SMG1: variants seen among roughly 807,000 people sequenced by gnomAD.
SMG1 encodes serine/threonine-protein kinase SMG1.
A neutral mutation model predicts 419.9 loss-of-function variants in SMG1; 22 were observed. The observed-to-expected ratio is 0.05, with a 90% CI of 0.04 to 0.07. The LOEUF (loss-of-function observed/expected upper bound fraction) is 0.07, where lower values mean the gene tolerates loss of function less well. Ranked by LOEUF, SMG1 falls within the 10% of genes least tolerant of loss-of-function variation. The probability of loss-of-function intolerance (pLI) is 1.00; values close to 1 mark genes in which losing one functional copy is unlikely to be tolerated. For missense variants in SMG1, 3,185 were observed against 4,342.0 expected (o/e 0.73, Z 7.49); for synonymous variants, 1,538 against 1,553.5 (o/e 0.99, Z 0.23).
chr16:18,812,265 G>A lies in SMG1; in HGVS notation c.10622-138C>T, dbSNP rs1484663027. 8 of 766,362 alleles carry A rather than the reference G, an allele frequency of 1.0e-5. No homozygotes were observed. The Admixed American group carries it at 2.7e-4, about 26-fold the overall frequency. 47.5% of individuals were successfully genotyped at this position (766,362 alleles called of 1,614,324 possible). A position where few individuals can be genotyped will look rare whatever the true frequency, so the allele number is the denominator to read the frequency against. On this transcript the variant is annotated intron_variant, in intron 60 of 62. Transcript: ENST00000446231. ...CTATAAATCCTTATCCTTGGACACA[G>A]CAATTGTCTTCCTAAAAATGTAGCC... is the stretch of plus-strand genomic sequence containing the variant.
At chr16:18,923,850 A>G (rs2038289790) in intron 1 of SMG1, among the ~76,000 whole-genome samples, 1 of 152,212 alleles carries the variant, frequency 6.6e-6, no homozygotes, top group Non-Finnish European at 1.5e-5. Context: ...CTTTCTGAAT[A>G]GGGGACAGAA....
rs752705587 is a variant in SMG1 at position 18,834,260 on chromosome 16, G to A, written c.8509C>T (p.Pro2837Ser). 6.2e-6 allele frequency: 10 copies of A among 1,610,232 alleles called. 1 individual carries two copies. Among genetic ancestry groups the A allele is most frequent in the Middle Eastern group, 1.7e-4 (1 of 6,056 alleles). Residue 2837 changes from proline to serine, a missense_variant, in exon 50 of 63, where the codon CCC (proline) becomes TCC (serine). By Grantham distance (74) the Pro-to-Ser change is moderately conservative. Around this residue, in one of 27 missense-constraint regions of SMG1, gnomAD observed 412 missense variants for 546.6 expected, o/e 0.75. Coordinates refer to ENST00000446231, the MANE Select transcript of SMG1 (RefSeq NM_015092.5). ...LVPQDLDIPN[P>S]MEASETVHLA... ...TGAACTGTCTCAGACGCTTCCATGG[G>A]GTTCGGGATATCTAAGTCCTGTGGC...
At chr16:18,874,077 CAA>C (rs895666517) in intron 13 of SMG1, among the ~76,000 whole-genome samples, 2 of 152,200 alleles carry the variant, frequency 1.3e-5, no homozygotes, top group Non-Finnish European at 2.9e-5. Context: ...GCGCAAACAT[CAA>C]GTTTTACCTT....
At position 18,837,373 on chromosome 16, in the gene SMG1, T is replaced by C. The variant is rs778522075; in HGVS notation, c.7484A>G (p.Tyr2495Cys). ...LPKLDGSLDE[Y>C]LSLQEQLTDV... ...TGTCAGTTGCTCTTGCAAGCTTAGG[T>C]ATTCATCTAAGCTACCGTCCAACTT... The change falls in exon 46 of 63, where the codon TAC becomes TGC. Residue 2495 changes from tyrosine to cysteine, a missense_variant. Physicochemically the swap from Tyr to Cys is radical, Grantham distance 194. Coordinates refer to ENST00000446231, the MANE Select transcript of SMG1 (RefSeq NM_015092.5). 6.2e-7 allele frequency: 1 copy of C among 1,613,992 alleles called. No homozygotes were observed. Among genetic ancestry groups the C allele is most frequent in the Non-Finnish European group, 8.5e-7 (1 of 1,179,876 alleles).
intron 55 of SMG1, among the ~76,000 whole-genome samples, chr16:18,821,017 G>C (rs1005023976): frequency 2.0e-5 from 3 of 152,054 alleles, no homozygotes; most frequent in Non-Finnish European, 4.4e-5. Context: ...TGCTGCCTTA[G>C]GCATCACAAA....
At chr16:18,877,308 A>G (rs12931209) in intron 11 of SMG1, 76 bp from the exon 12 acceptor site, 15 of 1,103,586 alleles carry the variant, frequency 1.4e-5, no homozygotes, top group South Asian at 5.8e-5. Flanking sequence ...ATGCACACTG[A>G]TAAGTGAAAG....
At chr16:18,874,866 CAAAAAAAAAAAAA>C (rs148468415) in intron 13 of SMG1, among the ~76,000 whole-genome samples, 12 of 49,658 alleles carry the variant, frequency 2.4e-4, no homozygotes, top group South Asian at 9.7e-4. Context: ...GACTCTGTCT[CAAAAAAAAAAAAA>C]AAAAAAAAAA....
chr16:18,901,655 C>CTA (rs1244494506), intron 1 of SMG1, among the ~76,000 whole-genome samples: 1 of 152,086 alleles, frequency 6.6e-6, no homozygotes, highest in African/African-American at 2.4e-5. Context: ...AAGGTAATCT[C>CTA]TAAACTCTTG....
At chr16:18,903,532 G>A (rs2037432027) in intron 1 of SMG1, among the ~76,000 whole-genome samples, 1 of 152,180 alleles carries the variant, frequency 6.6e-6, no homozygotes, top group Non-Finnish European at 1.5e-5. Flanking sequence ...ATGAGAAGTA[G>A]AAGCCATTTG....
chr16:18,860,991 A>C (rs1352042605), intron 25 of SMG1: 2 of 435,676 alleles, frequency 4.6e-6, no homozygotes, highest in Non-Finnish European at 8.3e-6. Context: ...CAAACCAGAA[A>C]GTCACAGCTA....
In SMG1 at chr16:18,863,789, A is replaced by T. The variant is rs1354672042; in HGVS notation, c.3556T>A (p.Leu1186Ile). The T allele has an allele frequency of 1.3e-6, 2 of 1,587,436 alleles. No individual in the cohort carries two copies. The highest frequency in any genetic ancestry group is 3.3e-5 in the Admixed American group (2 of 59,844). Residue 1186 changes from leucine to isoleucine, a missense_variant, in exon 25 of 63, where the codon TTA becomes ATA. By Grantham distance (5) the Leu-to-Ile change is conservative. Coordinates refer to ENST00000446231, the MANE Select transcript of SMG1 (RefSeq NM_015092.5). ...TDSSPEVINY[L>I]GNKACECYIS... The stretch of plus-strand genomic sequence containing the variant: ...TAGCACTCACATGCTTTATTTCCTA[A>T]ATAATTTATAACCTCAGGGGAAGAG...
Position 18,829,214 on chromosome 16 carries a change from TTTAAA to T in SMG1, c.9603+67_9603+71del, listed in dbSNP as rs2032989650. Reference sequence around the variant, plus strand: ...TTTTAAAAAAATTTCTGTGTATTGTTTTAAATTAATTTCCCCCATTTTTCAAGTTT... The same window carrying T: ...TTTTAAAAAAATTTCTGTGTATTGTTTTAATTTCCCCCATTTTTCAAGTTT... On this transcript the variant is annotated intron_variant, in intron 54 of 62. Coordinates refer to ENST00000446231, the MANE Select transcript of SMG1 (RefSeq NM_015092.5). 122 of 1,311,638 alleles carry T rather than the reference TTTAAA, an allele frequency of 9.3e-5. No individual in the cohort carries two copies. In the South Asian group the frequency reaches 1.5e-3, roughly 17 times the overall value. 81.2% of individuals were successfully genotyped at this position (1,311,638 alleles called of 1,614,324 possible).
rs1183152480 is a variant in SMG1 at position 18,848,285 on chromosome 16, T to C, written c.5624-252A>G. 2.0e-5 allele frequency among the ~76,000 whole-genome samples: 3 copies of C among 151,908 alleles called. No individual in the cohort carries two copies. In the East Asian group the frequency reaches 5.8e-4, roughly 29 times the overall value. On this transcript the variant is annotated intron_variant, in intron 36 of 62. Transcript: ENST00000446231. ...AATGAGTGTTTAACAAATAATGTAT[T>C]CTTCAAGCCAGAGTTCAAAACTTGG...
chr16:18,831,700 G>T (rs1033028781), intron 51 of SMG1, among the ~76,000 whole-genome samples: 3 of 143,914 alleles, frequency 2.1e-5, no homozygotes, highest in Non-Finnish European at 4.5e-5. Flanking sequence ...AGGCTGCAGC[G>T]AGCCGAGATC....
rs980404203 is a variant in SMG1 at position 18,899,918 on chromosome 16, A to C, written c.93-2962T>G. ...AAAAAAGAAATGCATAAATTTCCCC[A>C]CAACGATCAAACTGAAGTTAAAGCC... On this transcript the variant is annotated intron_variant, in intron 1 of 62. Transcript: ENST00000446231. The C allele has an allele frequency of 2.8e-5, 22 of 788,188 alleles. No homozygotes were observed. In the East Asian group the frequency reaches 5.8e-4, roughly 21 times the overall value. The allele number at this position is 788,188 out of a possible 1,614,324, so 48.8% of individuals were successfully genotyped here. A position where few individuals can be genotyped will look rare whatever the true frequency, so the allele number is the denominator to read the frequency against.
Position 18,829,778 on chromosome 16 carries a change from G to C in SMG1, c.9134-23C>G, listed in dbSNP as rs760651157. The C allele has an allele frequency of 3.1e-5, 48 of 1,568,874 alleles. No homozygotes were observed. The East Asian group carries it at 3.6e-4, about 12-fold the overall frequency. On this transcript the variant is annotated intron_variant, in intron 53 of 62. Transcript: ENST00000446231. Reference sequence around the variant, plus strand: ...ATCCTACAAAAAGGAAAAATTTCTTGTATTTCATGAAAAAAATCAGGTAAT... The same window carrying C: ...ATCCTACAAAAAGGAAAAATTTCTTCTATTTCATGAAAAAAATCAGGTAAT...
intron 1 of SMG1, among the ~76,000 whole-genome samples, chr16:18,915,330 C>T (rs2037929577): frequency 3.3e-5 from 5 of 152,130 alleles, no homozygotes; most frequent in African/African-American, 7.2e-5. Flanking sequence ...CATTACAATA[C>T]TGTCCTTTTG....
At chr16:18,835,867 C>T in intron 48 of SMG1, 66 bp downstream of exon 48, 1 of 1,470,512 alleles carries the variant, frequency 6.8e-7, no homozygotes, top group Non-Finnish European at 9.2e-7. Flanking sequence ...CCACCACACT[C>T]CAGCCTGGGT....
At chr16:18,863,391 T>C (rs1250520851) in intron 25 of SMG1, among the ~76,000 whole-genome samples, 1 of 152,242 alleles carries the variant, frequency 6.6e-6, no homozygotes, top group Non-Finnish European at 1.5e-5. Context: ...GGCATAATCT[T>C]CAAACTGTAT....
Sources: gnomAD v4.1 joint callset for allele counts (sites outside exome capture counted in the v4.1 genomes callset) on GRCh38, gnomAD v4.1.1 for gene constraint, gnomAD v4.1.1 regional missense constraint, MANE v1.5 for transcripts, NCBI Gene and HGNC (gene_info 2026-07-23, HGNC 2026-07-21) for gene names.